The following TCF4 variants were observed in gnomAD, a reference collection of about 807,000 sequenced individuals.
TCF4 encodes the protein transcription factor 4, also known as SL3-3 enhancer factor 2.
A neutral mutation model predicts 82.1 loss-of-function variants in TCF4; 3 were observed. The ratio of observed to expected loss-of-function variants is 0.04; its 90% CI spans 0.02 to 0.09. The LOEUF (loss-of-function observed/expected upper bound fraction) is 0.09, where lower values mean the gene tolerates loss of function less well. Among genes scored for constraint, TCF4 ranks in the 10% least tolerant of loss-of-function variants. The pLI, the probability that TCF4 is intolerant of heterozygous loss-of-function variation, is 1.00. For missense variants in TCF4, 518 were observed against 852.7 expected, an observed-to-expected ratio of 0.61 and a Z score of 4.89; for synonymous variants, 276 against 309.6, an observed-to-expected ratio of 0.89 and a Z score of 1.14.
chr18:55,389,272 C>T (rs1028188449), intron 6 of TCF4, among the ~76,000 whole-genome samples: 1 of 152,218 alleles, frequency 6.6e-6, no homozygotes, highest in Non-Finnish European at 1.5e-5. Context: ...CATTCATTCA[C>T]TCATCCATCC....
At chr18:55,606,901 T>C (rs985465224) in intron 2 of TCF4, among the ~76,000 whole-genome samples, 15 of 152,184 alleles carry the variant, frequency 9.9e-5, no homozygotes, top group Non-Finnish European at 1.2e-4. Flanking sequence ...CTAGTTCATT[T>C]TTCACACATC....
At chr18:55,398,250 G>A (rs550465808) in intron 6 of TCF4, among the ~76,000 whole-genome samples, 25 of 152,268 alleles carry the variant, frequency 1.6e-4, no homozygotes, top group Non-Finnish European at 3.1e-4. Context: ...TGAATAAGCC[G>A]CTGCCCGAAA....
At chr18:55,313,470 A>G (rs948924443) in intron 8 of TCF4, among the ~76,000 whole-genome samples, 1 of 152,162 alleles carries the variant, frequency 6.6e-6, no homozygotes, top group Admixed American at 6.6e-5. Flanking sequence ...GCATGAAATA[A>G]AAGTTCCTCT....
intron 2 of TCF4, among the ~76,000 whole-genome samples, chr18:55,596,790 GT>G (rs1230066016): frequency 6.6e-6 from 1 of 152,028 alleles, no homozygotes; most frequent in Non-Finnish European, 1.5e-5. Flanking sequence ...TGTTTCAGCT[GT>G]ATAATATACA....
intron 2 of TCF4, among the ~76,000 whole-genome samples, chr18:55,629,192 G>A (rs963803648): frequency 6.6e-6 from 1 of 152,078 alleles, no homozygotes; most frequent in African/African-American, 2.4e-5. Flanking sequence ...TTCATGACAA[G>A]GCCTGTTGAT....
intron 3 of TCF4, among the ~76,000 whole-genome samples, chr18:55,519,441 G>GAA (rs35885107): frequency 4.2e-5 from 4 of 96,046 alleles, no homozygotes. Context: ...CTCAAAAAAA[G>GAA]AAAAAAAAAA....
intron 3 of TCF4, among the ~76,000 whole-genome samples, chr18:55,570,654 G>A (rs1382287037): frequency 6.6e-6 from 1 of 152,034 alleles, no homozygotes; most frequent in African/African-American, 2.4e-5. Flanking sequence ...AGCCAAGGAA[G>A]GCAAATTGCT....
chr18:55,322,667 T>C (rs1335108235), intron 8 of TCF4, among the ~76,000 whole-genome samples: 7 of 152,176 alleles, frequency 4.6e-5, no homozygotes, highest in Non-Finnish European at 1.0e-4. Context: ...GCCCAGAGCC[T>C]ACGGAGGGGC....
At chr18:55,338,131 A>C (rs1430028242) in intron 8 of TCF4, among the ~76,000 whole-genome samples, 1 of 152,132 alleles carries the variant, frequency 6.6e-6, no homozygotes, top group East Asian at 1.9e-4. Context: ...CCCTTAGCCC[A>C]TTCTGATGCC....
intron 1 of TCF4, among the ~76,000 whole-genome samples, chr18:55,632,926 G>T (rs1368351854): frequency 6.6e-6 from 1 of 152,222 alleles, no homozygotes; most frequent in Admixed American, 6.5e-5. Flanking sequence ...TCTAGGAACA[G>T]ATGTGGAATA....
At chr18:55,526,318 C>G (rs1223045642) in intron 3 of TCF4, among the ~76,000 whole-genome samples, 1 of 152,170 alleles carries the variant, frequency 6.6e-6, no homozygotes, top group African/African-American at 2.4e-5. Context: ...CAGTGCATAA[C>G]CCAGAGGTCT....
intron 3 of TCF4, among the ~76,000 whole-genome samples, chr18:55,488,451 G>A (rs1024264839): frequency 6.7e-6 from 1 of 150,064 alleles, no homozygotes; most frequent in Admixed American, 6.6e-5. Context: ...ATTAGGAGAT[G>A]GAGAAGAGAG....
At chr18:55,415,314 T>A (rs1055400486) in intron 5 of TCF4, among the ~76,000 whole-genome samples, 9 of 152,204 alleles carry the variant, frequency 5.9e-5, no homozygotes, top group Non-Finnish European at 1.3e-4. Flanking sequence ...ATACTCAGTA[T>A]TAAGCTACAA....
At chr18:55,585,729 C>T in intron 2 of TCF4, 1 of 1,086,930 alleles carries the variant, frequency 9.2e-7, no homozygotes, top group Non-Finnish European at 1.1e-6. Context: ...AAAACCTTGG[C>T]CATAAACGTG....
chr18:55,457,366 G>A (rs952552515), intron 5 of TCF4, among the ~76,000 whole-genome samples: 4 of 152,200 alleles, frequency 2.6e-5, no homozygotes, highest in Non-Finnish European at 5.9e-5. Context: ...GTGTACATGT[G>A]TGTGCATGCA....
chr18:55,516,373 T>C (rs1228362060), intron 3 of TCF4, among the ~76,000 whole-genome samples: 1 of 152,054 alleles, frequency 6.6e-6, no homozygotes, highest in Non-Finnish European at 1.5e-5. Flanking sequence ...ATATACTGTC[T>C]GGTTTTTTGG....
intron 8 of TCF4, among the ~76,000 whole-genome samples, chr18:55,294,173 T>C (rs1001002247): frequency 3.3e-5 from 5 of 151,128 alleles, no homozygotes; most frequent in African/African-American, 1.2e-4. Context: ...GGCATGAGAA[T>C]TGCTTGAACC....
intron 8 of TCF4, among the ~76,000 whole-genome samples, chr18:55,311,784 A>T (rs899577820): frequency 3.9e-5 from 6 of 152,340 alleles, no homozygotes; most frequent in East Asian, 3.9e-4. Context: ...ATCATTTTCA[A>T]CTAAATGTTC....
chr18:55,400,802 A>T (rs1203819641), intron 6 of TCF4: 1 of 421,070 alleles, frequency 2.4e-6, no homozygotes, highest in Admixed American at 3.7e-5. Context: ...TACACCAAAC[A>T]AAAGGCTATT....
Sources: gnomAD v4.1 joint callset for allele counts (sites outside exome capture counted in the v4.1 genomes callset) on GRCh38, gnomAD v4.1.1 for gene constraint, MANE v1.5 for transcripts, NCBI Gene and HGNC (gene_info 2026-07-23, HGNC 2026-07-21) for gene names.